The following SEMA4B variants were observed in gnomAD, a reference collection of about 807,000 sequenced individuals.
SEMA4B encodes the protein semaphorin-4B.
A neutral mutation model predicts 88.1 loss-of-function variants in SEMA4B; 55 were observed. The ratio of observed to expected loss-of-function variants is 0.62; its 90% CI spans 0.50 to 0.78. SEMA4B has a LOEUF of 0.78. Among genes scored for constraint, SEMA4B ranks in the 30% least tolerant of loss-of-function variants. SEMA4B has a pLI of 0.00. For missense variants in SEMA4B, 1,062 were observed against 1,111.9 expected (o/e 0.96, Z 0.64); for synonymous variants, 525 against 473.6 (o/e 1.11, Z -1.41).
At chr15:90,218,642 G>A (rs1423124890) in intron 3 of SEMA4B, among the ~76,000 whole-genome samples, 2 of 152,028 alleles carry the variant, frequency 1.3e-5, no homozygotes, top group African/African-American at 4.8e-5. Context: ...GTGAAACTCC[G>A]TCTCTACTAA....
chr15:90,228,844 C>T lies in SEMA4B; in HGVS notation c.*201C>T. 2 of 689,008 alleles carry T rather than the reference C, an allele frequency of 2.9e-6. No individual in the cohort carries two copies. Among genetic ancestry groups the T allele is most frequent in the South Asian group, 1.9e-5 (1 of 51,964 alleles). 42.7% of individuals were successfully genotyped at this position (689,008 alleles called of 1,614,324 possible). A position where few individuals can be genotyped will look rare whatever the true frequency, so the allele number is the denominator to read the frequency against. On this transcript the variant is annotated 3_prime_UTR_variant, in exon 14 of 14. Coordinates refer to ENST00000411539, the MANE Select transcript of SEMA4B (RefSeq NM_198925.4). ...ACCCAGACACCCAAACAGCCGTGGC[C>T]CCAGAGGTCCTGGCCAAATATGGGG...
intron 3 of SEMA4B, 44 bp from the exon 4 acceptor site, chr15:90,219,749 A>G (rs762922769): frequency 3.3e-6 from 5 of 1,521,922 alleles, no homozygotes; most frequent in African/African-American, 1.4e-5. Flanking sequence ...CCCTGGTGGC[A>G]TGCTTGGGCG....
At chr15:90,213,438 G>T (rs1331776683) in intron 1 of SEMA4B, among the ~76,000 whole-genome samples, 1 of 152,220 alleles carries the variant, frequency 6.6e-6, no homozygotes, top group Non-Finnish European at 1.5e-5. Context: ...CTGTCCCTTT[G>T]TCGTTTCATT....
intron 1 of SEMA4B, chr15:90,206,588 G>T: frequency 1.9e-6 from 1 of 535,622 alleles, no homozygotes; most frequent in East Asian, 3.1e-5. Context: ...GGAAGGCATT[G>T]CTGCTGGAGG....
chr15:90,185,787 A>G (rs930120628), intron 1 of SEMA4B, among the ~76,000 whole-genome samples: 2 of 152,168 alleles, frequency 1.3e-5, no homozygotes, highest in Non-Finnish European at 2.9e-5. Context: ...GAAAAGATGT[A>G]GAAATCACCT....
intron 1 of SEMA4B, chr15:90,206,709 C>A: frequency 1.3e-6 from 1 of 742,326 alleles, no homozygotes; most frequent in Non-Finnish European, 2.4e-6. Flanking sequence ...AAGCGCCAAG[C>A]CCATCTTTGT....
Position 90,201,522 on chromosome 15 carries a change from A to G in SEMA4B, c.-57A>G. On this transcript the variant is annotated 5_prime_UTR_variant, in exon 1 of 14. Coordinates refer to ENST00000411539, the MANE Select transcript of SEMA4B (RefSeq NM_198925.4). ...CCGCGGGGCGGAGCTGCCGCCCGTGAGTCCGGCCGAGCCACCTGAGCCCGA... is the reference window on the plus strand; with the variant it reads ...CCGCGGGGCGGAGCTGCCGCCCGTGGGTCCGGCCGAGCCACCTGAGCCCGA... 1 of 1,340,968 alleles carries G rather than the reference A, an allele frequency of 7.5e-7. No homozygotes were observed. The highest frequency in any genetic ancestry group is 9.5e-7 in the Non-Finnish European group (1 of 1,051,292). The allele number at this position is 1,340,968 out of a possible 1,614,324, so 83.1% of individuals were successfully genotyped here.
chr15:90,191,587 A>T (rs756137817), intron 1 of SEMA4B, among the ~76,000 whole-genome samples: 1 of 152,212 alleles, frequency 6.6e-6, no homozygotes, highest in Non-Finnish European at 1.5e-5. Flanking sequence ...GTGGCTTGCT[A>T]AAAGTCCACA....
chr15:90,225,798 C>G lies in SEMA4B; in HGVS notation c.1659C>G (p.Val553=). ...GGAGCGGCTCCAGCTGCAAGCACGT[C>G]AGCCTCTACCAGCCTCAGCTGGCCA... ...CAWSGSSCKH[V]SLYQPQLATR... The change falls in exon 12 of 14, where the codon GTC becomes GTG. Residue 553 remains valine (V), a synonymous_variant. Transcript: ENST00000411539. 1 of 1,545,346 alleles carries G rather than the reference C, an allele frequency of 6.5e-7. No homozygotes were observed. Among genetic ancestry groups the G allele is most frequent in the Non-Finnish European group, 8.7e-7 (1 of 1,146,356 alleles).
chr15:90,194,821 A>G (rs1274581863), intron 1 of SEMA4B, among the ~76,000 whole-genome samples: 1 of 152,236 alleles, frequency 6.6e-6, no homozygotes, highest in Admixed American at 6.5e-5. Context: ...CTTTCTCTCT[A>G]GTACATGCAC....
chr15:90,219,795 C>A lies in SEMA4B; in HGVS notation c.387C>A (p.Arg129=). The change falls in exon 4 of 14, where the codon CGC becomes CGA. Residue 129 remains arginine (R), a splice_region_variant and synonymous_variant. Coordinates refer to ENST00000411539, the MANE Select transcript of SEMA4B (RefSeq NM_198925.4). ...QCSFKGKDPQ[R]DCQNYIKILL... ...ATCCCCTCGCTCCTTCCCCCCAGCG[C>A]GACTGTCAAAACTACATCAAGATCC... 1 of 1,612,584 alleles carries A rather than the reference C, an allele frequency of 6.2e-7. No individual in the cohort carries two copies.
chr15:90,217,340 C>T (rs1961579648), intron 1 of SEMA4B, 99 bp from the exon 2 acceptor site: 3 of 1,296,226 alleles, frequency 2.3e-6, no homozygotes, highest in Non-Finnish European at 3.2e-6. Flanking sequence ...CTTTGCCTTG[C>T]TGATTACCTT....
At chr15:90,202,914 A>C (rs963407988) in intron 1 of SEMA4B, among the ~76,000 whole-genome samples, 2 of 152,246 alleles carry the variant, frequency 1.3e-5, no homozygotes, top group Admixed American at 6.5e-5. Context: ...AGCGGCTTCA[A>C]GTAACCCTAC....
intron 3 of SEMA4B, among the ~76,000 whole-genome samples, chr15:90,218,807 C>T (rs1392084737): frequency 6.6e-6 from 1 of 152,174 alleles, no homozygotes; most frequent in Non-Finnish European, 1.5e-5. Context: ...CAGAATGAGA[C>T]TGTGTTTCAA....
At chr15:90,214,139 C>T (rs772940565) in intron 1 of SEMA4B, among the ~76,000 whole-genome samples, 1 of 151,666 alleles carries the variant, frequency 6.6e-6, no homozygotes, top group Non-Finnish European at 1.5e-5. Flanking sequence ...GTCAGGAGTA[C>T]GAGAGACCAG....
chr15:90,201,264 G>A (rs1190517163), upstream of SEMA4B: 1 of 1,051,942 alleles, frequency 9.5e-7, no homozygotes, highest in East Asian at 6.2e-5. Context: ...CGGGAAGGAG[G>A]AAGGGGGAAG....
At chr15:90,215,980 TTCC>T (rs1489816019) in intron 1 of SEMA4B, among the ~76,000 whole-genome samples, 1 of 152,040 alleles carries the variant, frequency 6.6e-6, no homozygotes, top group East Asian at 1.9e-4. Context: ...CTACCATTAT[TTCC>T]TCCATTTTTT....
rs201455297 is a variant in SEMA4B at position 90,223,988 on chromosome 15, G to A, written c.1194G>A (p.Ala398=). 2.8e-4 allele frequency: 450 copies of A among 1,611,546 alleles called. 1 individual carries two copies. The highest frequency in any genetic ancestry group is 3.3e-4 in the Non-Finnish European group (392 of 1,179,260). ...CGGTGCCCACACCCCGGCCTGGAGC[G>A]GTGGGTACTGGCTCCCTGCACCCAG... ...THPVPTPRPG[A]CITNSARERK... The change falls in exon 9 of 14, where the codon GCG becomes GCA. Residue 398 remains alanine (A), a splice_region_variant and synonymous_variant. Transcript: ENST00000411539.
chr15:90,210,348 C>A (rs577083055), intron 1 of SEMA4B, among the ~76,000 whole-genome samples: 27 of 152,222 alleles, frequency 1.8e-4, no homozygotes, highest in African/African-American at 6.5e-4. Context: ...TGGGGATCGC[C>A]AGCATCCGCG....
Sources: gnomAD v4.1 joint callset for allele counts (sites outside exome capture counted in the v4.1 genomes callset) on GRCh38, gnomAD v4.1.1 for gene constraint, MANE v1.5 for transcripts, NCBI Gene and HGNC (gene_info 2026-07-23, HGNC 2026-07-21) for gene names.